Variants in MARK3 observed in about 807,000 individuals in gnomAD.
MARK3 encodes MAP/microtubule affinity-regulating kinase 3.
In MARK3, 46 loss-of-function variants were observed where a neutral mutation model predicts 90.1. The ratio of observed to expected loss-of-function variants is 0.51; its 90% CI spans 0.40 to 0.65. The LOEUF (loss-of-function observed/expected upper bound fraction) is 0.65, where lower values mean the gene tolerates loss of function less well. Ranked by LOEUF, MARK3 falls within the 30% of genes least tolerant of loss-of-function variation. The pLI is 0.00. For missense variants in MARK3, 818 were observed against 947.2 expected, an observed-to-expected ratio of 0.86 and a Z score of 1.79; for synonymous variants, 321 against 332.6, an observed-to-expected ratio of 0.97 and a Z score of 0.38.
At chr14:103,407,554 CTT>C (rs71460673) in intron 2 of MARK3, among the ~76,000 whole-genome samples, 16 of 71,660 alleles carry the variant, frequency 2.2e-4, no homozygotes, top group African/African-American at 8.1e-4. Context: ...TGTTTTGCCT[CTT>C]TTTTTTTTTT....
chr14:103,466,180 A>G (rs2093498886), intron 9 of MARK3, 89 bp downstream of exon 9: 7 of 1,494,174 alleles, frequency 4.7e-6, no homozygotes, highest in Non-Finnish European at 6.4e-6. Context: ...CATACTGGAT[A>G]TATCCTGCGG....
At chr14:103,413,074 A>G (rs1391581394) in intron 2 of MARK3, among the ~76,000 whole-genome samples, 5 of 151,808 alleles carry the variant, frequency 3.3e-5, no homozygotes, top group Non-Finnish European at 7.4e-5. Flanking sequence ...GGGTTTCTCC[A>G]TGTTGGTCAG....
intron 2 of MARK3, among the ~76,000 whole-genome samples, chr14:103,424,565 G>A (rs1223189535): frequency 6.6e-6 from 1 of 151,922 alleles, no homozygotes; most frequent in Admixed American, 6.6e-5. Context: ...AGAATAGGAG[G>A]AGGATATTGA....
At chr14:103,398,200 A>G (rs1369145327) in intron 1 of MARK3, among the ~76,000 whole-genome samples, 1 of 152,200 alleles carries the variant, frequency 6.6e-6, no homozygotes, top group Non-Finnish European at 1.5e-5. Flanking sequence ...TTATGGAGCA[A>G]TGTAAGAGTT....
chr14:103,473,969 G>A (rs1338187759), intron 12 of MARK3, among the ~76,000 whole-genome samples: 1 of 151,614 alleles, frequency 6.6e-6, no homozygotes, highest in Non-Finnish European at 1.5e-5. Flanking sequence ...GGCCAAGGTG[G>A]GTGGATCACG....
rs2093584244 is a variant in MARK3, at chr14:103,469,477, T to G, written c.1264+1291T>G. Among the ~76,000 whole-genome samples the G allele has an allele frequency of 3.3e-5, 5 of 151,614 alleles. No individual in the cohort carries two copies. In the South Asian group the frequency reaches 1.0e-3, roughly 32 times the overall value. On this transcript the variant is annotated intron_variant, in intron 12 of 17. Coordinates refer to ENST00000429436, the MANE Select transcript of MARK3 (RefSeq NM_001128918.3). The stretch of plus-strand genomic sequence containing the variant: ...GATTACAGGTGTGAGCCACCGCGCC[T>G]GGCCTTATTTATTTGTTTATTTTTT...
intron 2 of MARK3, among the ~76,000 whole-genome samples, chr14:103,407,891 G>T (rs1177815367): frequency 6.6e-6 from 1 of 151,916 alleles, no homozygotes; most frequent in East Asian, 1.9e-4. Flanking sequence ...AGGTCTTTGC[G>T]CCTGCTTTTC....
At chr14:103,391,293 A>T (rs2090224133) in intron 1 of MARK3, among the ~76,000 whole-genome samples, 1 of 152,148 alleles carries the variant, frequency 6.6e-6, no homozygotes, top group Non-Finnish European at 1.5e-5. Context: ...CCCCCCATGT[A>T]CTCAACAGCG....
chr14:103,477,704 G>A (rs756216428), intron 13 of MARK3, among the ~76,000 whole-genome samples: 1 of 152,044 alleles, frequency 6.6e-6, no homozygotes, highest in Non-Finnish European at 1.5e-5. Flanking sequence ...CATCTGTTTA[G>A]GCTGGGCACA....
At chr14:103,452,617 G>A (rs1010494163) in intron 5 of MARK3, among the ~76,000 whole-genome samples, 3 of 150,446 alleles carry the variant, frequency 2.0e-5, no homozygotes, top group East Asian at 3.9e-4. Context: ...GACTACAGGC[G>A]CCCGCTACTA....
rs1258001461 is a variant in MARK3, at chr14:103,455,794, G to A, written c.413-1348G>A. 2.0e-5 allele frequency among the ~76,000 whole-genome samples: 3 copies of A among 150,970 alleles called. No homozygotes were observed. In the East Asian group the frequency reaches 5.9e-4, roughly 29 times the overall value. ...GAAAATATTTGTGCCCATTCATTAT[G>A]TAAAATTTATTCTTTCAGAGTTAGG... On this transcript the variant is annotated intron_variant, in intron 5 of 17. Transcript: ENST00000429436.
intron 16 of MARK3, 45 bp downstream of exon 16, chr14:103,498,573 A>G: frequency 7.6e-7 from 1 of 1,314,906 alleles, no homozygotes. Context: ...CTCACTCCCA[A>G]ATGGCTCCTG....
rs774227529 is a variant in MARK3, at chr14:103,465,583, T to C, written c.567T>C (p.Asp189=). The C allele has an allele frequency of 1.9e-6, 3 of 1,613,958 alleles. No homozygotes were observed. Among genetic ancestry groups the C allele is most frequent in the Non-Finnish European group, 1.7e-6 (2 of 1,179,810 alleles). The change falls in exon 8 of 18, where the codon GAT becomes GAC. Residue 189 remains aspartate, a synonymous_variant. Coordinates refer to ENST00000429436, the MANE Select transcript of MARK3 (RefSeq NM_001128918.3). The stretch of plus-strand genomic sequence containing the variant: ...CTGAAAATCTATTGTTAGATGCCGA[T>C]ATGAACATTAAAATAGCAGATTTCG... ...LKAENLLLDA[D]MNIKIADFGF... is the part of the protein sequence containing the mutation.
intron 13 of MARK3, among the ~76,000 whole-genome samples, chr14:103,475,819 C>T (rs1380688612): frequency 2.0e-5 from 3 of 152,042 alleles, no homozygotes; most frequent in Non-Finnish European, 2.9e-5. Context: ...GTGGCAGGCA[C>T]CTGTAATCCC....
In MARK3 at chr14:103,397,713, A is replaced by G. The variant is rs544507482; in HGVS notation, c.52-7363A>G. Among the ~76,000 whole-genome samples the G allele has an allele frequency of 1.7e-3, 265 of 152,324 alleles. 5 individuals carry two copies. The highest frequency in any genetic ancestry group is 7.2e-4 in the Non-Finnish European group (49 of 68,026). On this transcript the variant is annotated intron_variant, in intron 1 of 17. Coordinates refer to ENST00000429436, the MANE Select transcript of MARK3 (RefSeq NM_001128918.3). ...AGTAAATTATTTTTCACCGTATTAC[A>G]TTAGTTCACCTACTATACCAGTAAC...
intron 6 of MARK3, among the ~76,000 whole-genome samples, chr14:103,457,578 G>T (rs1446462663): frequency 6.6e-6 from 1 of 152,186 alleles, no homozygotes; most frequent in African/African-American, 2.4e-5. Context: ...AGCTTTGTCT[G>T]ACATAAACCA....
chr14:103,425,231 C>T (rs1042070140), intron 2 of MARK3, among the ~76,000 whole-genome samples: 4 of 149,484 alleles, frequency 2.7e-5, no homozygotes, highest in African/African-American at 9.9e-5. Flanking sequence ...TGAGCCACCA[C>T]ACCTGGCCTA....
chr14:103,412,354 T>G, intron 2 of MARK3: 1 of 633,366 alleles, frequency 1.6e-6, no homozygotes, highest in Non-Finnish European at 2.8e-6. Context: ...TTTCATCGTG[T>G]GTGAGCAGGG....
chr14:103,449,042 T>C (rs976219209), intron 4 of MARK3, 75 bp downstream of exon 4: 2 of 1,409,832 alleles, frequency 1.4e-6, no homozygotes, highest in African/African-American at 2.9e-5. Flanking sequence ...AAACACGTAT[T>C]CTAGAAATGG....
Sources: gnomAD v4.1 joint callset for allele counts (sites outside exome capture counted in the v4.1 genomes callset) on GRCh38, gnomAD v4.1.1 for gene constraint, MANE v1.5 for transcripts, NCBI Gene and HGNC (gene_info 2026-07-23, HGNC 2026-07-21) for gene names.